CCDC180: variants seen among roughly 807,000 people sequenced by gnomAD.
The protein encoded by CCDC180 is coiled-coil domain containing 180, also known as coiled-coil domain-containing protein 180.
A neutral mutation model predicts 209.2 loss-of-function variants in CCDC180; 154 were observed. The observed-to-expected ratio is 0.74, with a 90% CI of 0.65 to 0.84. CCDC180 has a LOEUF of 0.84. CCDC180 is among the 40% of genes least tolerant of loss of function. The pLI is 0.00. For missense variants in CCDC180, 1,874 were observed against 1,997.3 expected (o/e 0.94, Z 1.18); for synonymous variants, 778 against 749.1 (o/e 1.04, Z -0.63).
chr9:97,362,758 G>C (rs916023618), intron 28 of CCDC180, among the ~76,000 whole-genome samples: 1 of 152,172 alleles, frequency 6.6e-6, no homozygotes, highest in Admixed American at 6.5e-5. Flanking sequence ...AAGCCTCAGT[G>C]GGGTTGTTAG....
intron 18 of CCDC180, among the ~76,000 whole-genome samples, 195 bp from the exon 19 acceptor site, chr9:97,343,144 TA>T (rs1826136339): frequency 6.6e-6 from 1 of 152,140 alleles, no homozygotes; most frequent in African/African-American, 2.4e-5. Flanking sequence ...TAAGAGAAAT[TA>T]GAAACCCAGA....
chr9:97,363,949 A>G, intron 28 of CCDC180, 102 bp from the exon 29 acceptor site: 1 of 1,117,726 alleles, frequency 8.9e-7, no homozygotes, highest in Non-Finnish European at 1.3e-6. Flanking sequence ...GCCCACGGGC[A>G]GGCCCAATGC....
chr9:97,362,850 G>T (rs914409761), intron 28 of CCDC180, among the ~76,000 whole-genome samples: 1 of 152,348 alleles, frequency 6.6e-6, no homozygotes, highest in South Asian at 2.1e-4. Context: ...CTAGCTCTTT[G>T]TGTCAGCCTG....
At position 97,376,836 on chromosome 9, in the gene CCDC180, A is replaced by T; in HGVS notation, c.4916A>T (p.Gln1639Leu). Reference protein sequence around the residue: ...DDCTSQIKEAQRWKDSWKQSL... With the variant: ...DDCTSQIKEALRWKDSWKQSL... ...TGTACATCTCAGATAAAGGAGGCTC[A>T]GCGCTGGAAGGACAGCTGGAAGCAG... Residue 1639 changes from glutamine (Q) to leucine (L), a missense_variant, in exon 37 of 37, where the codon CAG becomes CTG. Physicochemically the swap from Gln to Leu is moderately radical, Grantham distance 113 (BLOSUM62 -2). Transcript: ENST00000529487. 6.2e-7 allele frequency: 1 copy of T among 1,613,496 alleles called. No homozygotes were observed. Among genetic ancestry groups the T allele is most frequent in the Non-Finnish European group, 8.5e-7 (1 of 1,179,982 alleles).
At chr9:97,336,266 G>A (rs1444720184) in intron 18 of CCDC180, among the ~76,000 whole-genome samples, 2 of 152,242 alleles carry the variant, frequency 1.3e-5, no homozygotes, top group Non-Finnish European at 2.9e-5. Flanking sequence ...GTAATGCCTA[G>A]GTTTTCTTCT....
At position 97,322,900 on chromosome 9, in the gene CCDC180, G is replaced by T. The variant is rs1375851351; in HGVS notation, c.1227G>T (p.Leu409=). 12 of 1,613,928 alleles carry T rather than the reference G, an allele frequency of 7.4e-6. No homozygotes were observed. Among genetic ancestry groups the T allele is most frequent in the African/African-American group, 1.3e-5 (1 of 74,916 alleles). Reference sequence around the variant, plus strand: ...ATGAGAAGACATGGCAGGAGTGCCTGATGCATGTGCAGAATTGTAAGGTGG... The same window carrying T: ...ATGAGAAGACATGGCAGGAGTGCCTTATGCATGTGCAGAATTGTAAGGTGG... ...LLYEKTWQEC[L]MHVQNCKKQL... is the part of the protein sequence containing the mutation. Residue 409 remains leucine, a synonymous_variant, in exon 12 of 37, where the codon CTG becomes CTT. Coordinates refer to ENST00000529487, the MANE Select transcript of CCDC180 (RefSeq NM_020893.6).
Position 97,357,608 on chromosome 9 carries a change from G to A in CCDC180, c.3265-19G>A, listed in dbSNP as rs753393141. 2.5e-5 allele frequency: 39 copies of A among 1,560,990 alleles called. No homozygotes were observed. Among genetic ancestry groups the A allele is most frequent in the Non-Finnish European group, 3.0e-5 (34 of 1,135,322 alleles). On this transcript the variant is annotated intron_variant, in intron 24 of 36. Transcript: ENST00000529487. ...ATATGTATTCTAGAAACAAAATCTC[G>A]GAACCTCTGGTTTTCTAGGTGGCAA...
intron 18 of CCDC180, among the ~76,000 whole-genome samples, chr9:97,338,876 CTCT>C (rs1355645412): frequency 1.3e-5 from 2 of 152,168 alleles, no homozygotes; most frequent in African/African-American, 4.8e-5. Context: ...TGATAGTTAG[CTCT>C]TCTTGTTGAA....
intron 3 of CCDC180, among the ~76,000 whole-genome samples, chr9:97,311,635 T>C (rs1832989081): frequency 6.6e-6 from 1 of 152,172 alleles, no homozygotes; most frequent in African/African-American, 2.4e-5. Context: ...TCTTGGAGTC[T>C]CCTCTCTGTT....
At chr9:97,369,800 C>A (rs551441770) in intron 31 of CCDC180, 122 bp from the exon 32 acceptor site, 2 of 1,050,374 alleles carry the variant, frequency 1.9e-6, no homozygotes, top group Non-Finnish European at 2.8e-6. Flanking sequence ...ATAGCTCTTA[C>A]CACGTTGGAG....
chr9:97,330,750 A>G lies in CCDC180; in HGVS notation c.2257A>G (p.Ser753Gly). Residue 753 changes from serine (S) to glycine (G), a missense_variant, in exon 18 of 37, where the codon AGT becomes GGT. Physicochemically the swap from Ser to Gly is moderately conservative, Grantham distance 56 (BLOSUM62 0). Coordinates refer to ENST00000529487, the MANE Select transcript of CCDC180 (RefSeq NM_020893.6). Reference sequence around the variant, plus strand: ...GAAGGAGGCACAGGAAGAGCAAGAGAGTTTATCTGTGGGTGAGGTAAGCCA... The same window carrying G: ...GAAGGAGGCACAGGAAGAGCAAGAGGGTTTATCTGTGGGTGAGGTAAGCCA... ...EEKEAQEEQE[S>G]LSVGEEEDKE... The G allele has an allele frequency of 1.3e-6, 2 of 1,599,576 alleles. No individual in the cohort carries two copies. Among genetic ancestry groups the G allele is most frequent in the Non-Finnish European group, 1.7e-6 (2 of 1,178,756 alleles).
chr9:97,375,684 T>G (rs1827236077), intron 36 of CCDC180, 95 bp downstream of exon 36: 2 of 1,523,492 alleles, frequency 1.3e-6, no homozygotes, highest in South Asian at 1.2e-5. Context: ...ACCCAACATT[T>G]GGCTGGTGCA....
upstream of CCDC180, chr9:97,307,656 C>A: frequency 2.1e-6 from 3 of 1,411,772 alleles, no homozygotes; most frequent in Non-Finnish European, 3.0e-6. Context: ...CAACCGACAC[C>A]TTGAGCGCCG....
intron 26 of CCDC180, 33 bp downstream of exon 26, chr9:97,360,134 G>T (rs1370638055): frequency 1.2e-6 from 2 of 1,606,832 alleles, no homozygotes; most frequent in East Asian, 2.2e-5. Context: ...AGGAAAGGGT[G>T]GGTGAGCTGT....
chr9:97,313,873 T>C (rs2118546603), intron 5 of CCDC180, among the ~76,000 whole-genome samples: 1 of 152,308 alleles, frequency 6.6e-6, no homozygotes, highest in African/African-American at 2.4e-5. Flanking sequence ...GAGCCCCAGA[T>C]TTCCATTTGT....
At chr9:97,324,774 A>G (rs749091877) in intron 13 of CCDC180, among the ~76,000 whole-genome samples, 4 of 152,196 alleles carry the variant, frequency 2.6e-5, no homozygotes, top group Non-Finnish European at 5.9e-5. Context: ...TGTGGAGCAC[A>G]GGATATGTCT....
chr9:97,340,697 C>T lies in CCDC180; in HGVS notation c.2275-2643C>T, dbSNP rs546593778. 1.2e-3 allele frequency among the ~76,000 whole-genome samples: 180 copies of T among 152,308 alleles called. 3 individuals carry two copies. In the South Asian group the frequency reaches 0.034, roughly 29 times the overall value. On this transcript the variant is annotated intron_variant, in intron 18 of 36. Transcript: ENST00000529487. Reference sequence around the variant, plus strand: ...GAAGGGCTCCTTGGTCTAGCGGTGACGCCAGCATCTGGGAAGACGCCTGTT... The same window carrying T: ...GAAGGGCTCCTTGGTCTAGCGGTGATGCCAGCATCTGGGAAGACGCCTGTT...
chr9:97,333,931 C>T (rs1825827210), intron 18 of CCDC180, among the ~76,000 whole-genome samples: 1 of 151,902 alleles, frequency 6.6e-6, no homozygotes, highest in Admixed American at 6.6e-5. Context: ...AGTGATTCTC[C>T]TGCCTCAGCC....
At chr9:97,315,307 CG>C (rs377671250) in intron 8 of CCDC180, among the ~76,000 whole-genome samples, 27 of 152,166 alleles carry the variant, frequency 1.8e-4, no homozygotes, top group African/African-American at 5.8e-4. Context: ...ATGGAGTCAT[CG>C]GGGGGCTACG....
Sources: gnomAD v4.1 joint callset for allele counts (sites outside exome capture counted in the v4.1 genomes callset) on GRCh38, gnomAD v4.1.1 for gene constraint, MANE v1.5 for transcripts, NCBI Gene and HGNC (gene_info 2026-07-23, HGNC 2026-07-21) for gene names.